Variants in PDE11A observed in about 807,000 individuals in gnomAD.
The protein encoded by PDE11A is phosphodiesterase 11A, also known as dual 3',5'-cyclic-AMP and -GMP phosphodiesterase 11A.
PDE11A carries 100 observed loss-of-function variants against 100.5 expected under a neutral mutation model. That is an observed-to-expected ratio of 1.00 (90% confidence interval 0.85 to 1.18). The LOEUF is 1.18. Among genes scored for constraint, PDE11A ranks in the 50% most tolerant of loss-of-function variants. The pLI, the probability that PDE11A is intolerant of heterozygous loss-of-function variation, is 0.00. For missense variants in PDE11A, 1,141 were observed against 1,152.6 expected (o/e 0.99, Z 0.15); for synonymous variants, 381 against 420.8 (o/e 0.91, Z 1.16).
rs779558889 is a variant in PDE11A at position 177,701,211 on chromosome 2, C to T, written c.2154G>A (p.Lys718=). The T allele has an allele frequency of 6.6e-7, 1 of 1,518,150 alleles. No homozygotes were observed. Among genetic ancestry groups the T allele is most frequent in the South Asian group, 1.1e-5 (1 of 89,166 alleles). The allele number at this position is 1,518,150 out of a possible 1,614,324, so 94.0% of individuals were successfully genotyped here. ...AGAGTTGGGCCAGGGCAGAGCCACTCCTGAAAGAGGACAGAGGGTGAGTGA... is the reference window on the plus strand; with the variant it reads ...AGAGTTGGGCCAGGGCAGAGCCACTTCTGAAAGAGGACAGAGGGTGAGTGA... ...HRGTNNAFQA[K]SGSALAQLYG... is the part of the protein sequence containing the mutation. Residue 718 remains lysine (K), a splice_region_variant and synonymous_variant, in exon 14 of 20, where the codon AAG becomes AAA. Coordinates refer to ENST00000286063, the MANE Select transcript of PDE11A (RefSeq NM_016953.4).
intron 19 of PDE11A, among the ~76,000 whole-genome samples, chr2:177,635,287 G>A (rs1416830447): frequency 2.0e-5 from 3 of 152,172 alleles, no homozygotes; most frequent in Non-Finnish European, 2.9e-5. Context: ...TTTGTTTCAA[G>A]TGTAGGTTAG....
chr2:177,858,076 A>C (rs1265870341), intron 5 of PDE11A, among the ~76,000 whole-genome samples: 1 of 152,102 alleles, frequency 6.6e-6, no homozygotes, highest in Admixed American at 6.6e-5. Flanking sequence ...TCCCTTCCTT[A>C]CACCTTATAA....
At chr2:178,011,783 G>C (rs1017087488) in intron 2 of PDE11A, 1 of 152,098 alleles carries the variant, frequency 6.6e-6, no homozygotes, top group East Asian at 1.9e-4. Context: ...CTACAGCCCT[G>C]TGAGTAAGTG....
intron 1 of PDE11A, among the ~76,000 whole-genome samples, chr2:178,049,493 G>A (rs928719005): frequency 1.8e-4 from 27 of 152,164 alleles, no homozygotes; most frequent in African/African-American, 6.5e-4. Context: ...GGGCTTGTCT[G>A]ACAGTGGGTG....
chr2:177,680,226 G>A (rs1420097158), intron 16 of PDE11A, among the ~76,000 whole-genome samples: 2 of 152,100 alleles, frequency 1.3e-5, no homozygotes, highest in African/African-American at 2.4e-5. Flanking sequence ...GTCTGGTTGA[G>A]GTGGAGAGAG....
At chr2:177,780,813 A>C (rs2082443952) in intron 9 of PDE11A, among the ~76,000 whole-genome samples, 1 of 152,146 alleles carries the variant, frequency 6.6e-6, no homozygotes, top group African/African-American at 2.4e-5. Context: ...TAGGGCCTTG[A>C]TCTGGATTAG....
chr2:177,922,581 T>A (rs1380562967), intron 2 of PDE11A: 21 of 568,940 alleles, frequency 3.7e-5, no homozygotes, highest in Admixed American at 6.3e-5. Context: ...CCCAAAAACC[T>A]GGAGCCATGT....
At chr2:177,847,983 GGTGTGTTTGT>G (rs1252192920) in intron 5 of PDE11A, among the ~76,000 whole-genome samples, 1 of 141,470 alleles carries the variant, frequency 7.1e-6, no homozygotes, top group Non-Finnish European at 1.6e-5. Context: ...TAGTGTGAAT[GGTGTGTTTGT>G]GTGTGTGTGT....
intron 19 of PDE11A, among the ~76,000 whole-genome samples, chr2:177,644,098 C>T (rs1261186908): frequency 6.6e-6 from 1 of 152,168 alleles, no homozygotes; most frequent in Non-Finnish European, 1.5e-5. Context: ...GGGGGGGAGC[C>T]CCCACACAGA....
intron 10 of PDE11A, among the ~76,000 whole-genome samples, chr2:177,732,896 T>C (rs2081714461): frequency 6.6e-6 from 1 of 152,164 alleles, no homozygotes; most frequent in South Asian, 2.1e-4. Flanking sequence ...TTTTCAGCTA[T>C]TTTGAGAAGT....
chr2:177,718,771 A>G (rs947890891), intron 12 of PDE11A, among the ~76,000 whole-genome samples: 1 of 152,226 alleles, frequency 6.6e-6, no homozygotes, highest in African/African-American at 2.4e-5. Context: ...TTATAAGAAC[A>G]TCTATATTTA....
rs543095217 is a variant in PDE11A at position 178,081,620 on chromosome 2, A to G, written c.162+22682T>C. Among the ~76,000 whole-genome samples the G allele has an allele frequency of 7.9e-5, 12 of 152,220 alleles. No individual in the cohort carries two copies. The South Asian group carries it at 2.3e-3, about 29-fold the overall frequency. On this transcript the variant is annotated intron_variant, in intron 2 of 20. Transcript: ENST00000358450. The stretch of plus-strand genomic sequence containing the variant: ...GGCCTCACCAAATTTTCCCCTACTA[A>G]ATGAGCTTAACCCTCCAAGGATATT...
At chr2:177,683,760 C>T (rs2105510379) in intron 15 of PDE11A, among the ~76,000 whole-genome samples, 1 of 152,288 alleles carries the variant, frequency 6.6e-6, no homozygotes, top group Middle Eastern at 3.4e-3. Context: ...TATTCTACAA[C>T]ATTACAGTCA....
intron 4 of PDE11A, among the ~76,000 whole-genome samples, chr2:177,879,457 T>C (rs2084295294): frequency 6.6e-6 from 1 of 152,234 alleles, no homozygotes; most frequent in Non-Finnish European, 1.5e-5. Flanking sequence ...TACCGTCTTA[T>C]GTGTCAGGCA....
rs2081998124 is a variant in PDE11A, at chr2:177,749,431, T to C, written c.1788+19892A>G. On this transcript the variant is annotated intron_variant, in intron 10 of 19. Coordinates refer to ENST00000286063, the MANE Select transcript of PDE11A (RefSeq NM_016953.4). ...ACTTTCTTTATATATTGTCCTTTTT[T>C]ATACTTTCTTCCCAGAGGTTAACAA... Among the ~76,000 whole-genome samples, 3 of 152,232 alleles carry C rather than the reference T, an allele frequency of 2.0e-5. No individual in the cohort carries two copies. In the South Asian group the frequency reaches 6.2e-4, roughly 31 times the overall value.
chr2:177,816,257 CTT>C (rs1247426328), intron 9 of PDE11A, among the ~76,000 whole-genome samples: 3 of 151,942 alleles, frequency 2.0e-5, no homozygotes, highest in African/African-American at 2.4e-5. Context: ...AAAAACGAGT[CTT>C]GAGTCAAAAC....
chr2:177,724,704 T>C (rs939014217), intron 12 of PDE11A, among the ~76,000 whole-genome samples: 6 of 152,132 alleles, frequency 3.9e-5, no homozygotes, highest in Admixed American at 1.3e-4. Context: ...ACTGGTTTTG[T>C]TGCTATCTCT....
intron 9 of PDE11A, among the ~76,000 whole-genome samples, chr2:177,793,617 C>T (rs868815499): frequency 2.0e-5 from 3 of 151,422 alleles, no homozygotes; most frequent in Admixed American, 6.6e-5. Flanking sequence ...TCCCGGGTCC[C>T]GGTCCCTGAA....
At position 177,840,143 on chromosome 2, in the gene PDE11A, G is replaced by A. The variant is rs1010046361; in HGVS notation, c.1500+108C>T. 3.5e-6 allele frequency: 4 copies of A among 1,147,724 alleles called. No homozygotes were observed. In the African/African-American group the frequency reaches 6.1e-5, roughly 17 times the overall value. The allele number at this position is 1,147,724 out of a possible 1,614,324, so 71.1% of individuals were successfully genotyped here. The stretch of plus-strand genomic sequence containing the variant: ...GGCAATGCTAAAAATAAGATCACAG[G>A]GGAAGGATGCAAAAGAATTGCTGGT... On this transcript the variant is annotated intron_variant, in intron 6 of 19. Coordinates refer to ENST00000286063, the MANE Select transcript of PDE11A (RefSeq NM_016953.4).
Sources: gnomAD v4.1 joint callset for allele counts (sites outside exome capture counted in the v4.1 genomes callset) on GRCh38, gnomAD v4.1.1 for gene constraint, MANE v1.5 for transcripts, NCBI Gene and HGNC (gene_info 2026-07-23, HGNC 2026-07-21) for gene names.